PEX14: variants seen among roughly 807,000 people sequenced by gnomAD.
The protein encoded by PEX14 is peroxisomal membrane protein PEX14.
Under a neutral mutation model 49.5 loss-of-function variants are expected in PEX14, and 15 were observed. The ratio of observed to expected loss-of-function variants is 0.30; its 90% CI spans 0.20 to 0.47. The LOEUF (loss-of-function observed/expected upper bound fraction) is 0.47. PEX14 is among the 20% of genes least tolerant of loss of function. PEX14 has a pLI of 1.00. For missense variants in PEX14, 398 were observed against 494.8 expected, an observed-to-expected ratio of 0.80 and a Z score of 1.86; for synonymous variants, 210 against 212.7, an observed-to-expected ratio of 0.99 and a Z score of 0.11.
rs1410610641 is a variant in PEX14 at position 10,597,230 on chromosome 1, C to T, written c.170-2008C>T. On this transcript the variant is annotated intron_variant, in intron 3 of 8. Coordinates refer to ENST00000356607, the MANE Select transcript of PEX14 (RefSeq NM_004565.3). The surrounding 1 kb of genome is among the most constrained non-coding windows in gnomAD (Gnocchi z 5.7). ...TGCAGCCAGCGGCTGACAAGGCACA[C>T]GAACCACCAGGTTTATAAAATTCCG... Among the ~76,000 whole-genome samples the T allele has an allele frequency of 5.9e-5, 9 of 152,244 alleles. No individual in the cohort carries two copies. Among genetic ancestry groups the T allele is most frequent in the African/African-American group, 1.7e-4 (7 of 41,466 alleles).
chr1:10,622,356 C>T (rs749149049), intron 5 of PEX14, among the ~76,000 whole-genome samples: 3 of 152,160 alleles, frequency 2.0e-5, no homozygotes, highest in Admixed American at 6.5e-5. Flanking sequence ...TTGACTCTTA[C>T]GTGAAGGAAG....
rs375323610 is a variant in PEX14 at position 10,627,226 on chromosome 1, G to T, written c.586-46G>T. ...CCTCCTGCAGCCGCAGGCCCCGCCC[G>T]TGCCGCAAGGCGCCCGCCCTGAGCC... is the stretch of plus-strand genomic sequence containing the variant. On this transcript the variant is annotated intron_variant, in intron 7 of 8. Coordinates refer to ENST00000356607, the MANE Select transcript of PEX14 (RefSeq NM_004565.3). The T allele has an allele frequency of 5.9e-6, 8 of 1,362,418 alleles. No individual in the cohort carries two copies. In the Admixed American group the frequency reaches 1.3e-4, roughly 23 times the overall value. The allele number at this position is 1,362,418 out of a possible 1,614,324, so 84.4% of individuals were successfully genotyped here. A position where few individuals can be genotyped will look rare whatever the true frequency, so the allele number is the denominator to read the frequency against.
In PEX14 at chr1:10,529,332, C is replaced by T. The variant is rs1638578386; in HGVS notation, c.85-6881C>T. The stretch of plus-strand genomic sequence containing the variant: ...CTCTGCTTTTCAAGCTGTGCTCCTC[C>T]ACTGCACCAGCGCCCTTTGGGCTGG... On this transcript the variant is annotated intron_variant, in intron 2 of 8. Transcript: ENST00000356607. This position sits in a 1 kb window ranked among gnomAD's most constrained non-coding sequence, Gnocchi z 4.2. Among the ~76,000 whole-genome samples, 2 of 152,260 alleles carry T rather than the reference C, an allele frequency of 1.3e-5. No individual in the cohort carries two copies. The highest frequency in any genetic ancestry group is 2.9e-5 in the Non-Finnish European group (2 of 68,038).
chr1:10,520,148 C>CTTTTTTTTTTTTTTTTTTTTTTTTT lies in PEX14; in HGVS notation c.85-16051_85-16050insTTTTTTTTTTTTTTTTTTTTTTTTT, dbSNP rs565247030. Reference sequence around the variant, plus strand: ...AGCTGTTGTGCCTGGCCTTCTTCTTCTTTTTTTTTTTTTTGTTTTTTTAAC... The same window carrying CTTTTTTTTTTTTTTTTTTTTTTTTT: ...AGCTGTTGTGCCTGGCCTTCTTCTTCTTTTTTTTTTTTTTTTTTTTTTTTTTTTTTTTTTTTTTTGTTTTTTTAAC... On this transcript the variant is annotated intron_variant, in intron 2 of 8. Coordinates refer to ENST00000356607, the MANE Select transcript of PEX14 (RefSeq NM_004565.3). Among the ~76,000 whole-genome samples the CTTTTTTTTTTTTTTTTTTTTTTTTT allele has an allele frequency of 1.2e-3, 83 of 69,174 alleles. 3 individuals carry two copies. The highest frequency in any genetic ancestry group is 2.0e-3 in the Non-Finnish European group (60 of 29,800). 45.4% of individuals were successfully genotyped at this position (69,174 alleles called of 152,430 possible).
At chr1:10,528,166 C>T in intron 2 of PEX14, 1 of 188,790 alleles carries the variant, frequency 5.3e-6, no homozygotes, top group Non-Finnish European at 9.8e-6. Context: ...TATTCAGTAG[C>T]TGACCCCCAG....
chr1:10,613,500 C>T lies in PEX14; in HGVS notation c.299-4832C>T, dbSNP rs891940662. On this transcript the variant is annotated intron_variant, in intron 4 of 8. Coordinates refer to ENST00000356607, the MANE Select transcript of PEX14 (RefSeq NM_004565.3). The surrounding 1 kb of genome is among the most constrained non-coding windows in gnomAD (Gnocchi z 5.0). Reference sequence around the variant, plus strand: ...CCCCTGACCTCATTGCAGCCCACAGCGCCACAGCGTAGAGGCAGTCCAGGA... The same window carrying T: ...CCCCTGACCTCATTGCAGCCCACAGTGCCACAGCGTAGAGGCAGTCCAGGA... Among the ~76,000 whole-genome samples the T allele has an allele frequency of 2.6e-5, 4 of 152,136 alleles. No individual in the cohort carries two copies. The highest frequency in any genetic ancestry group is 4.8e-5 in the African/African-American group (2 of 41,428).
chr1:10,510,721 G>T (rs1641867459), intron 2 of PEX14, among the ~76,000 whole-genome samples: 1 of 152,230 alleles, frequency 6.6e-6, no homozygotes, highest in Admixed American at 6.5e-5. Flanking sequence ...GAATGAGTGA[G>T]TGTGTGTGCT....
At chr1:10,560,718 C>CTTTTTTTTTTTTTTTTTTTT (rs34964492) in intron 3 of PEX14, among the ~76,000 whole-genome samples, 4 of 129,092 alleles carry the variant, frequency 3.1e-5, no homozygotes, top group Non-Finnish European at 1.6e-5. Context: ...ATTTTGCCAC[C>CTTTTTTTTTTTTTTTTTTTT]TTTTTTTTTT....
At chr1:10,591,151 A>C (rs1220480910) in intron 3 of PEX14, among the ~76,000 whole-genome samples, 1 of 152,208 alleles carries the variant, frequency 6.6e-6, no homozygotes, top group Admixed American at 6.5e-5. Context: ...GCAATGATGG[A>C]AACATTTCCA....
rs1641896796 is a variant in PEX14 at position 10,630,524 on chromosome 1, G to A, written c.*537G>A. 6.4e-6 allele frequency: 1 copy of A among 156,458 alleles called. No homozygotes were observed. The highest frequency in any genetic ancestry group is 6.1e-5 in the Admixed American group (1 of 16,520). 9.7% of individuals were successfully genotyped at this position (156,458 alleles called of 1,614,324 possible). The stretch of plus-strand genomic sequence containing the variant: ...TGCCCCGTCGTCCTCCCAGACAAAT[G>A]AAACCACGCTGCGCTTCCGATGCCC... On this transcript the variant is annotated 3_prime_UTR_variant, in exon 9 of 9. Transcript: ENST00000356607. The surrounding 1 kb of genome is among the most constrained non-coding windows in gnomAD (Gnocchi z 4.1).
At chr1:10,536,978 C>T (rs1638825158) in intron 3 of PEX14, among the ~76,000 whole-genome samples, 2 of 152,150 alleles carry the variant, frequency 1.3e-5, no homozygotes, top group Admixed American at 6.5e-5. Flanking sequence ...GTCATTTACA[C>T]ATCCTTATAT....
At chr1:10,531,310 A>G (rs954963904) in intron 2 of PEX14, among the ~76,000 whole-genome samples, 2 of 152,178 alleles carry the variant, frequency 1.3e-5, no homozygotes, top group East Asian at 1.9e-4. Context: ...GCCGATGACC[A>G]TATTTGTCAA....
chr1:10,621,578 C>T (rs1000925775), intron 5 of PEX14, among the ~76,000 whole-genome samples: 2 of 152,106 alleles, frequency 1.3e-5, no homozygotes, highest in African/African-American at 4.8e-5. Flanking sequence ...AACGCCTGAC[C>T]TCATGATCTG....
intron 3 of PEX14, among the ~76,000 whole-genome samples, chr1:10,566,318 G>A (rs1639802710): frequency 6.6e-6 from 1 of 152,172 alleles, no homozygotes; most frequent in Admixed American, 6.5e-5. Context: ...CTTGGGATTA[G>A]GAGATTAATG....
At chr1:10,528,254 A>G in intron 2 of PEX14, 1 of 936,508 alleles carries the variant, frequency 1.1e-6, no homozygotes, top group Non-Finnish European at 1.3e-6. Flanking sequence ...CCCGCAGTTC[A>G]ATAGTGCATG....
chr1:10,480,198 A>G (rs1641258352), intron 1 of PEX14, among the ~76,000 whole-genome samples: 1 of 67,164 alleles, frequency 1.5e-5, no homozygotes, highest in African/African-American at 8.7e-5. Flanking sequence ...TGCCCTCTCA[A>G]TGTTTTTTTT....
intron 2 of PEX14, among the ~76,000 whole-genome samples, chr1:10,508,658 C>T (rs1189405697): frequency 6.6e-6 from 1 of 152,146 alleles, no homozygotes; most frequent in Non-Finnish European, 1.5e-5. Flanking sequence ...AGGCAGGTGC[C>T]CAGGAGGAGA....
chr1:10,589,331 T>C (rs774460539), intron 3 of PEX14, among the ~76,000 whole-genome samples: 14 of 152,206 alleles, frequency 9.2e-5, no homozygotes, highest in Non-Finnish European at 1.6e-4. Context: ...TCCGGTCTTG[T>C]GCTCACTGGA....
intron 4 of PEX14, among the ~76,000 whole-genome samples, chr1:10,612,984 T>C (rs982033022): frequency 3.9e-5 from 6 of 152,250 alleles, no homozygotes; most frequent in Admixed American, 2.6e-4. Flanking sequence ...CCCAAGGACG[T>C]GAGAGTTCTC....
Sources: allele counts gnomAD v4.1 joint callset (sites outside exome capture counted in the v4.1 genomes callset), GRCh38; gene constraint gnomAD v4.1.1; non-coding constraint Gnocchi (gnomAD v3.1); transcripts MANE v1.5; gene names NCBI Gene and HGNC (gene_info 2026-07-23, HGNC 2026-07-21).